The following IMPG1 variants were observed in gnomAD, a reference collection of about 807,000 sequenced individuals.
IMPG1 encodes interphotoreceptor matrix proteoglycan of 150 kDa.
Under a neutral mutation model 92.0 loss-of-function variants are expected in IMPG1, and 85 were observed. The observed-to-expected ratio is 0.92, with a 90% CI of 0.78 to 1.11. The LOEUF is 1.11. Ranked by LOEUF, IMPG1 falls within the 50% of genes least tolerant of loss-of-function variation. The pLI is 0.00. For missense variants in IMPG1, 1,022 were observed against 956.0 expected, an observed-to-expected ratio of 1.07 and a Z score of -0.91; for synonymous variants, 367 against 334.1, an observed-to-expected ratio of 1.10 and a Z score of -1.08.
At chr6:75,998,949 C>T (rs1482218751) in intron 12 of IMPG1, among the ~76,000 whole-genome samples, 2 of 152,112 alleles carry the variant, frequency 1.3e-5, no homozygotes, top group Admixed American at 6.5e-5. Context: ...CTCTGCCTCC[C>T]AGGTTCAAGC....
chr6:75,934,549 A>C (rs1377486445), intron 14 of IMPG1, among the ~76,000 whole-genome samples: 1 of 152,204 alleles, frequency 6.6e-6, no homozygotes, highest in African/African-American at 2.4e-5. Flanking sequence ...GCCTGCAGGG[A>C]ACACCTTGAG....
chr6:75,976,677 T>C (rs1782540513), intron 12 of IMPG1, among the ~76,000 whole-genome samples: 2 of 152,144 alleles, frequency 1.3e-5, no homozygotes, highest in Non-Finnish European at 1.5e-5. Flanking sequence ...TTTGGGAGGC[T>C]GAGGCGGGCG....
chr6:76,046,146 C>T (rs558616509), intron 1 of IMPG1, among the ~76,000 whole-genome samples: 8 of 152,060 alleles, frequency 5.3e-5, no homozygotes, highest in African/African-American at 1.9e-4. Context: ...TGATAACTTC[C>T]ATATATCAGT....
At chr6:76,048,822 C>T (rs143542922) in intron 1 of IMPG1, among the ~76,000 whole-genome samples, 405 of 152,290 alleles carry the variant, frequency 2.7e-3, no homozygotes, top group Non-Finnish European at 4.5e-3. Flanking sequence ...TACCATTTGA[C>T]CATTTGACCC....
rs929241049 is a variant in IMPG1, at chr6:75,998,360, A to G, written c.1291+4558T>C. Among the ~76,000 whole-genome samples the G allele has an allele frequency of 1.7e-4, 26 of 152,320 alleles. 1 individual carries two copies. The highest frequency in any genetic ancestry group is 5.8e-4 in the African/African-American group (24 of 41,568). On this transcript the variant is annotated intron_variant, in intron 12 of 16. Transcript: ENST00000369950. ...GAGACAGACGGCTGTCCCTGACCAC[A>G]TGGAACATTAGCAGCTTGGTTTTAC...
intron 14 of IMPG1, among the ~76,000 whole-genome samples, chr6:75,937,892 T>A (rs1055580711): frequency 6.6e-6 from 1 of 152,214 alleles, no homozygotes; most frequent in Non-Finnish European, 1.5e-5. Context: ...ATAAGTTATA[T>A]GTGGTTTTGC....
intron 14 of IMPG1, among the ~76,000 whole-genome samples, chr6:75,935,511 G>A (rs1582052034): frequency 1.3e-5 from 2 of 152,184 alleles, no homozygotes; most frequent in East Asian, 3.9e-4. Context: ...GCTCGCTCCT[G>A]CTGGCTGCTG....
intron 12 of IMPG1, among the ~76,000 whole-genome samples, chr6:75,979,117 C>G (rs1225480231): frequency 1.3e-5 from 2 of 152,038 alleles, no homozygotes; most frequent in Admixed American, 6.5e-5. Flanking sequence ...GGGTTTCACC[C>G]TGTTGCCCAG....
rs1781422595 is a variant in IMPG1, at chr6:75,921,258, C to T, written c.*831G>A. On this transcript the variant is annotated 3_prime_UTR_variant, in exon 17 of 17. Coordinates refer to ENST00000369950, the MANE Select transcript of IMPG1 (RefSeq NM_001563.4). The stretch of plus-strand genomic sequence containing the variant: ...TGAATTGGATTACATTGATGCCAGT[C>T]TAGGTATACACACACTAAAGTTGGT... 6.6e-6 allele frequency: 1 copy of T among 152,096 alleles called. No homozygotes were observed. Among genetic ancestry groups the T allele is most frequent in the Admixed American group, 6.5e-5 (1 of 15,268 alleles). 9.4% of individuals were successfully genotyped at this position (152,096 alleles called of 1,614,324 possible). A position where few individuals can be genotyped will look rare whatever the true frequency, so the allele number is the denominator to read the frequency against.
intron 12 of IMPG1, among the ~76,000 whole-genome samples, chr6:75,998,922 T>C (rs1376148992): frequency 1.3e-5 from 2 of 152,146 alleles, no homozygotes; most frequent in African/African-American, 4.8e-5. Context: ...AGTGGAGCGA[T>C]CTTGGCTCAC....
chr6:75,976,663 G>A (rs2149467958), intron 12 of IMPG1, among the ~76,000 whole-genome samples: 1 of 152,302 alleles, frequency 6.6e-6, no homozygotes, highest in East Asian at 1.9e-4. Flanking sequence ...TGTAATCCCA[G>A]CACTTTGGGA....
chr6:75,921,672 T>C lies in IMPG1; in HGVS notation c.*417A>G, dbSNP rs1488620542. 1 of 186,754 alleles carries C rather than the reference T, an allele frequency of 5.4e-6. No homozygotes were observed. Among genetic ancestry groups the C allele is most frequent in the Non-Finnish European group, 1.1e-5 (1 of 91,080 alleles). The allele number at this position is 186,754 out of a possible 1,614,324, so 11.6% of individuals were successfully genotyped here. The stretch of plus-strand genomic sequence containing the variant: ...AGAGACCTGCATCTCCCTGCGTAAG[T>C]AGTCATCTTTTAAATGTACTTTCTA... On this transcript the variant is annotated 3_prime_UTR_variant, in exon 17 of 17. Transcript: ENST00000369950.
intron 12 of IMPG1, among the ~76,000 whole-genome samples, chr6:75,983,259 G>T (rs575379232): frequency 9.9e-4 from 150 of 152,038 alleles, no homozygotes; most frequent in Non-Finnish European, 1.8e-3. Flanking sequence ...TTAATACAGA[G>T]GGAGAGAGCC....
At chr6:75,985,866 A>G (rs1455539835) in intron 12 of IMPG1, among the ~76,000 whole-genome samples, 2 of 152,270 alleles carry the variant, frequency 1.3e-5, no homozygotes, top group Non-Finnish European at 2.9e-5. Flanking sequence ...AGTTAATAAA[A>G]GTGCTAATGC....
intron 7 of IMPG1, among the ~76,000 whole-genome samples, chr6:76,016,266 T>A (rs1056294054): frequency 1.7e-4 from 26 of 152,208 alleles, no homozygotes; most frequent in African/African-American, 5.5e-4. Flanking sequence ...TCTGATTTTT[T>A]AAAAATCCCA....
chr6:75,982,805 G>T (rs1211622890), intron 12 of IMPG1, among the ~76,000 whole-genome samples: 1 of 151,932 alleles, frequency 6.6e-6, no homozygotes, highest in Non-Finnish European at 1.5e-5. Context: ...CTATGATTCT[G>T]CATTAACCAT....
chr6:76,010,710 G>C lies in IMPG1; in HGVS notation c.866+456C>G, dbSNP rs539991099. 7.9e-5 allele frequency among the ~76,000 whole-genome samples: 12 copies of C among 152,250 alleles called. No homozygotes were observed. In the South Asian group the frequency reaches 2.5e-3, roughly 32 times the overall value. Reference sequence around the variant, plus strand: ...CCAACTCTCCTACCTGGATAGCTATGACTTTTTATTGTTCACTTGTCTCTC... The same window carrying C: ...CCAACTCTCCTACCTGGATAGCTATCACTTTTTATTGTTCACTTGTCTCTC... On this transcript the variant is annotated intron_variant, in intron 8 of 16. Transcript: ENST00000369950.
chr6:75,934,984 C>T (rs1781720400), intron 14 of IMPG1: 1 of 471,264 alleles, frequency 2.1e-6, no homozygotes. Flanking sequence ...AAGGTTTCAG[C>T]TCAGCTTGCC....
intron 12 of IMPG1, among the ~76,000 whole-genome samples, chr6:76,000,491 A>G (rs1381614472): frequency 6.6e-6 from 1 of 152,198 alleles, no homozygotes; most frequent in African/African-American, 2.4e-5. Context: ...ATCGCTATAA[A>G]TCTTTTTTAA....
Sources: gnomAD v4.1 joint callset for allele counts (sites outside exome capture counted in the v4.1 genomes callset) on GRCh38, gnomAD v4.1.1 for gene constraint, MANE v1.5 for transcripts, NCBI Gene and HGNC (gene_info 2026-07-23, HGNC 2026-07-21) for gene names.